The following KDM3B variants were observed in gnomAD, a reference collection of about 807,000 sequenced individuals.
KDM3B encodes the protein lysine demethylase 3B, also known as lysine-specific demethylase 3B.
A neutral mutation model predicts 170.0 loss-of-function variants in KDM3B; 10 were observed. That is an observed-to-expected ratio of 0.06 (90% confidence interval 0.04 to 0.10). KDM3B has a LOEUF of 0.10. Among genes scored for constraint, KDM3B ranks in the 10% least tolerant of loss-of-function variants. KDM3B has a pLI of 1.00. For synonymous variants in KDM3B, 831 were observed against 834.8 expected (o/e 1.00, Z 0.08); for missense variants, 1,394 against 2,195.2 (o/e 0.64, Z 7.29).
chr5:138,406,701 T>C (rs1451709153), intron 11 of KDM3B, among the ~76,000 whole-genome samples: 2 of 152,040 alleles, frequency 1.3e-5, no homozygotes, highest in African/African-American at 4.8e-5. Flanking sequence ...GAAAAAGATA[T>C]TTTATATGTG....
chr5:138,409,824 A>G (rs936092489), intron 11 of KDM3B, among the ~76,000 whole-genome samples: 2 of 152,216 alleles, frequency 1.3e-5, no homozygotes, highest in Admixed American at 1.3e-4. Context: ...TGGCTAACTC[A>G]CGCCTGTAAT....
At chr5:138,401,058 G>A (rs1431918228) in intron 11 of KDM3B, among the ~76,000 whole-genome samples, 1 of 151,992 alleles carries the variant, frequency 6.6e-6, no homozygotes. Context: ...AGATCACAAG[G>A]TCAGGAGTTC....
At chr5:138,415,348 TCATCAGATTTCTCTGAGAA>T in intron 12 of KDM3B, 109 bp downstream of exon 12, 2 of 548,022 alleles carry the variant, frequency 3.6e-6, no homozygotes, top group Non-Finnish European at 6.5e-6. Context: ...CTTTTAAGCA[TCATCAGATTTCTCTGAGAA>T]TTTGGATCTT....
intron 21 of KDM3B, 90 bp from the exon 22 acceptor site, chr5:138,430,159 A>T (rs1258053634): frequency 1.4e-6 from 2 of 1,457,474 alleles, no homozygotes; most frequent in Admixed American, 2.1e-5. Context: ...TGCCATCCCC[A>T]CCCCATCTTA....
intron 11 of KDM3B, among the ~76,000 whole-genome samples, chr5:138,408,350 T>C (rs1437195048): frequency 1.3e-5 from 2 of 151,328 alleles, no homozygotes; most frequent in Non-Finnish European, 3.0e-5. Flanking sequence ...TTCTTTTTTT[T>C]TTCTTTTTTT....
At chr5:138,384,420 C>T (rs545712161) in intron 6 of KDM3B, among the ~76,000 whole-genome samples, 23 of 151,108 alleles carry the variant, frequency 1.5e-4, no homozygotes, top group African/African-American at 5.3e-4. Context: ...GCCAACATGG[C>T]GAAACCTCAT....
intron 1 of KDM3B, among the ~76,000 whole-genome samples, chr5:138,361,592 T>A (rs2126909112): frequency 6.6e-6 from 1 of 152,356 alleles, no homozygotes; most frequent in African/African-American, 2.4e-5. Context: ...AAAAGGCTGT[T>A]TAAAGCAAGC....
At chr5:138,419,451 A>G (rs918779383) in intron 14 of KDM3B, among the ~76,000 whole-genome samples, 11 of 151,828 alleles carry the variant, frequency 7.2e-5, no homozygotes, top group Non-Finnish European at 1.3e-4. Flanking sequence ...TCAGGAGATC[A>G]AGACCATCCT....
rs1761362629 is a variant in KDM3B, at chr5:138,352,892, G to C, written c.97G>C (p.Ala33Pro). ...SASASAPAAA[A>P]ASGDPGPALR... is the part of the protein sequence containing the mutation. ...CTCGGCCTCGGCTCCCGCGGCGGCA[G>C]CGGCGAGCGGAGATCCGGGGCCTGC... is the stretch of plus-strand genomic sequence containing the variant. Residue 33 changes from alanine (A) to proline (P), a missense_variant, in exon 1 of 24, where the codon GCG (alanine) becomes CCG (proline). Physicochemically the swap from Ala to Pro is conservative, Grantham distance 27. This residue lies in a region of KDM3B where 99 missense variants were observed against 97.5 expected (regional missense o/e 1.02). Coordinates refer to ENST00000314358, the MANE Select transcript of KDM3B (RefSeq NM_016604.4). 1 of 1,376,212 alleles carries C rather than the reference G, an allele frequency of 7.3e-7. No individual in the cohort carries two copies. Among genetic ancestry groups the C allele is most frequent in the African/African-American group, 1.5e-5 (1 of 66,004 alleles). The allele number at this position is 1,376,212 out of a possible 1,614,324, so 85.3% of individuals were successfully genotyped here. A position where few individuals can be genotyped will look rare whatever the true frequency, so the allele number is the denominator to read the frequency against.
intron 11 of KDM3B, among the ~76,000 whole-genome samples, chr5:138,412,608 C>T (rs1211559725): frequency 6.6e-6 from 1 of 151,022 alleles, no homozygotes; most frequent in Non-Finnish European, 1.5e-5. Context: ...GAGCCACGAT[C>T]GTGCCATTAC....
At chr5:138,373,866 TC>T (rs1483238267) in intron 2 of KDM3B, among the ~76,000 whole-genome samples, 1 of 152,238 alleles carries the variant, frequency 6.6e-6, no homozygotes, top group African/African-American at 2.4e-5. Context: ...AATGGTAACT[TC>T]TAAAAAATCC....
At chr5:138,382,526 C>G (rs564500343) in intron 6 of KDM3B, among the ~76,000 whole-genome samples, 1 of 152,126 alleles carries the variant, frequency 6.6e-6, no homozygotes, top group Non-Finnish European at 1.5e-5. Flanking sequence ...CTTCAGTTGA[C>G]CAGCTGTCCA....
chr5:138,435,766 G>A lies in KDM3B; in HGVS notation c.*66G>A. 1.6e-6 allele frequency: 2 copies of A among 1,281,884 alleles called. No homozygotes were observed. The highest frequency in any genetic ancestry group is 1.1e-6 in the Non-Finnish European group (1 of 897,368). The allele number at this position is 1,281,884 out of a possible 1,614,324, so 79.4% of individuals were successfully genotyped here. A position where few individuals can be genotyped will look rare whatever the true frequency, so the allele number is the denominator to read the frequency against. On this transcript the variant is annotated 3_prime_UTR_variant, in exon 24 of 24. Transcript: ENST00000314358. The stretch of plus-strand genomic sequence containing the variant: ...CACTCACAACACTTAACAGGGAACG[G>A]CAGGGCTCTTTGCTGGAGCAGAGGC...
At chr5:138,395,539 G>T (rs1488271447) in intron 9 of KDM3B, among the ~76,000 whole-genome samples, 2 of 152,228 alleles carry the variant, frequency 1.3e-5, no homozygotes, top group Non-Finnish European at 2.9e-5. Context: ...AAGGTTGAAG[G>T]ATCACTTGAG....
intron 6 of KDM3B, among the ~76,000 whole-genome samples, chr5:138,382,862 A>G (rs943321050): frequency 1.3e-5 from 2 of 152,118 alleles, no homozygotes; most frequent in African/African-American, 4.8e-5. Context: ...TTGCATGCCA[A>G]AAACACCTGC....
In KDM3B at chr5:138,424,277, G is replaced by A; in HGVS notation, c.4175G>A (p.Cys1392Tyr). The A allele has an allele frequency of 6.2e-7, 1 of 1,614,152 alleles. No individual in the cohort carries two copies. The highest frequency in any genetic ancestry group is 1.3e-5 in the African/African-American group (1 of 75,028). The change falls in exon 16 of 24, where the codon TGT becomes TAT. Residue 1392 changes from cysteine (C) to tyrosine (Y), a missense_variant. Transcript: ENST00000314358. ...TGGCTTTGTGATGGGAGGCTTCTGT[G>A]TCTCCATGACCCCAGCAACAAAAAC... ...HSWLCDGRLL[C>Y]LHDPSNKNNW...
intron 1 of KDM3B, among the ~76,000 whole-genome samples, chr5:138,357,583 G>A (rs1184990438): frequency 6.6e-6 from 1 of 152,010 alleles, no homozygotes; most frequent in Admixed American, 6.6e-5. Context: ...GGCAGGTCTT[G>A]AACTCCAGTC....
chr5:138,419,947 G>T (rs1561791930), intron 14 of KDM3B, among the ~76,000 whole-genome samples: 1 of 151,800 alleles, frequency 6.6e-6, no homozygotes, highest in East Asian at 1.9e-4. Flanking sequence ...GTGCAGTGGC[G>T]CGATCTTGGC....
At chr5:138,419,275 A>T (rs375382322) in intron 14 of KDM3B, 43 bp downstream of exon 14, 1 of 1,572,786 alleles carries the variant, frequency 6.4e-7, no homozygotes, top group South Asian at 1.2e-5. Context: ...GGTAGAAATC[A>T]TGAGTTTTTT....
Sources: allele counts gnomAD v4.1 joint callset (sites outside exome capture counted in the v4.1 genomes callset), GRCh38; gene constraint gnomAD v4.1.1; regional missense constraint gnomAD v4.1.1; transcripts MANE v1.5; gene names NCBI Gene and HGNC (gene_info 2026-07-23, HGNC 2026-07-21).